Variants in GPD1L observed in about 807,000 individuals in gnomAD.
The protein encoded by GPD1L is glycerol-3-phosphate dehydrogenase 1 like, also known as glycerol-3-phosphate dehydrogenase 1-like protein.
A neutral mutation model predicts 32.9 loss-of-function variants in GPD1L; 17 were observed. The observed-to-expected ratio is 0.52, with a 90% CI of 0.35 to 0.78. The LOEUF (loss-of-function observed/expected upper bound fraction) is 0.78, where lower values mean the gene tolerates loss of function less well. Ranked by LOEUF, GPD1L falls within the 30% of genes least tolerant of loss-of-function variation. GPD1L has a pLI of 0.01. For missense variants in GPD1L, 361 were observed against 447.8 expected, an observed-to-expected ratio of 0.81 and a Z score of 1.75; for synonymous variants, 187 against 165.9, an observed-to-expected ratio of 1.13 and a Z score of -0.98.
rs80185394 is a variant in GPD1L at position 32,134,014 on chromosome 3, G to A, written c.226-4573G>A. ...TCGTTCTGGGTTGTTTGTCCTACTT[G>A]CCATTGAAAGGCAAGACCTGTTGTT... On this transcript the variant is annotated intron_variant, in intron 2 of 7. Transcript: ENST00000282541. Among the ~76,000 whole-genome samples the A allele has an allele frequency of 0.023, 3,573 of 152,294 alleles. 293 individuals carry two copies. The East Asian group carries it at 0.25, about 11-fold the overall frequency.
chr3:32,149,971 C>T (rs1027806379), intron 5 of GPD1L, among the ~76,000 whole-genome samples: 24 of 150,778 alleles, frequency 1.6e-4, no homozygotes, highest in African/African-American at 5.9e-4. Context: ...AAATGTAATT[C>T]ATGTAATCAA....
In GPD1L at chr3:32,110,979, C is replaced by G. The variant is rs1700236368; in HGVS notation, c.47+4221C>G. On this transcript the variant is annotated intron_variant, in intron 1 of 7. Transcript: ENST00000282541. ...CTGCTGGGTTCTAGCGATTCTCATG[C>G]CTCCGCCTTCTGAGTAGCTGGGATT... is the stretch of plus-strand genomic sequence containing the variant. Among the ~76,000 whole-genome samples, 3 of 152,354 alleles carry G rather than the reference C, an allele frequency of 2.0e-5. No homozygotes were observed. The South Asian group carries it at 6.2e-4, about 32-fold the overall frequency.
intron 1 of GPD1L, among the ~76,000 whole-genome samples, chr3:32,115,381 C>T (rs971199061): frequency 6.6e-6 from 1 of 152,168 alleles, no homozygotes; most frequent in Non-Finnish European, 1.5e-5. Flanking sequence ...GGTGCGTTTA[C>T]AATACTTTAG....
intron 1 of GPD1L, among the ~76,000 whole-genome samples, chr3:32,115,978 C>T (rs1246839508): frequency 1.3e-5 from 2 of 151,520 alleles, no homozygotes; most frequent in Non-Finnish European, 2.9e-5. Flanking sequence ...TTAGTAGAGA[C>T]GGGGTTTCAC....
chr3:32,146,083 C>CTTTTTTTTTT (rs59106750), intron 4 of GPD1L, among the ~76,000 whole-genome samples: 1 of 126,156 alleles, frequency 7.9e-6, no homozygotes, highest in Non-Finnish European at 1.7e-5. Flanking sequence ...ATGCTTTTTT[C>CTTTTTTTTTT]TTTTTTTTTT....
chr3:32,114,202 G>A (rs963935462), intron 1 of GPD1L, among the ~76,000 whole-genome samples: 36 of 152,302 alleles, frequency 2.4e-4, no homozygotes, highest in Middle Eastern at 3.4e-3. Context: ...TCTGGCAGTG[G>A]GCAGGCTTCA....
chr3:32,135,384 T>C (rs1439723346), intron 2 of GPD1L, among the ~76,000 whole-genome samples: 1 of 152,138 alleles, frequency 6.6e-6, no homozygotes, highest in African/African-American at 2.4e-5. Context: ...AACAAAACAA[T>C]GAGCTTTGCC....
Position 32,140,322 on chromosome 3 carries a change from T to C in GPD1L, c.461T>C (p.Ile154Thr), listed in dbSNP as rs754012361. The change falls in exon 4 of 8, where the codon ATT (isoleucine) becomes ACT (threonine). Residue 154 changes from isoleucine to threonine, a missense_variant. Transcript: ENST00000282541. ...IDISVLMGAN[I>T]ANEVAAEKFC... ...ATCAGTGTGCTGATGGGAGCCAACA[T>C]TGCCAATGAGGTGGCTGCAGAGAAG... is the stretch of plus-strand genomic sequence containing the variant. 2.5e-6 allele frequency: 4 copies of C among 1,614,122 alleles called. No individual in the cohort carries two copies. In the South Asian group the frequency reaches 4.4e-5, roughly 18 times the overall value.
chr3:32,108,241 C>T (rs1001904560), intron 1 of GPD1L, among the ~76,000 whole-genome samples: 1 of 151,976 alleles, frequency 6.6e-6, no homozygotes, highest in Non-Finnish European at 1.5e-5. Context: ...AAATATTAGT[C>T]GGGCATGGTG....
At chr3:32,109,804 C>T (rs183569102) in intron 1 of GPD1L, among the ~76,000 whole-genome samples, 7 of 152,364 alleles carry the variant, frequency 4.6e-5, no homozygotes, top group African/African-American at 1.7e-4. Flanking sequence ...CCTTAAACAA[C>T]TTACCTTCAG....
rs1559583364 is a variant in GPD1L at position 32,159,640 on chromosome 3, TA to T, written c.926del (p.Tyr309SerfsTer91). ...AGGACCGCAGACTTCTGCTGAAGTG[TA>T]CCGCATCCTCAAACAGAAGGGACTA... ...LQGPQTSAEV[Y>X]RILKQKGLLD... On this transcript the variant is annotated frameshift_variant, in exon 7 of 8. Coordinates refer to ENST00000282541, the MANE Select transcript of GPD1L (RefSeq NM_015141.4). LOFTEE classifies it high-confidence loss of function. 1 of 1,612,228 alleles carries T rather than the reference TA, an allele frequency of 6.2e-7. No homozygotes were observed. The highest frequency in any genetic ancestry group is 8.5e-7 in the Non-Finnish European group (1 of 1,178,488).
chr3:32,126,650 G>A (rs1700512196), intron 1 of GPD1L, among the ~76,000 whole-genome samples: 1 of 152,212 alleles, frequency 6.6e-6, no homozygotes, highest in African/African-American at 2.4e-5. Context: ...CTAATAACCT[G>A]TCCTGCTGGC....
chr3:32,144,466 A>G (rs946022479), intron 4 of GPD1L, among the ~76,000 whole-genome samples: 5 of 152,248 alleles, frequency 3.3e-5, no homozygotes, highest in African/African-American at 9.6e-5. Flanking sequence ...ACACAAACAC[A>G]TATGGAATCA....
chr3:32,115,565 G>T (rs1243034420), intron 1 of GPD1L, among the ~76,000 whole-genome samples: 1 of 151,988 alleles, frequency 6.6e-6, no homozygotes, highest in African/African-American at 2.4e-5. Flanking sequence ...GGTTTGCATG[G>T]GTTATAGGCA....
At chr3:32,148,138 G>A (rs1008586440) in intron 5 of GPD1L, among the ~76,000 whole-genome samples, 5 of 152,198 alleles carry the variant, frequency 3.3e-5, no homozygotes, top group Non-Finnish European at 7.3e-5. Flanking sequence ...AGGGGGCATC[G>A]TGAATGCCTA....
At chr3:32,165,573 T>C (rs1701135130) in intron 7 of GPD1L, among the ~76,000 whole-genome samples, 1 of 152,198 alleles carries the variant, frequency 6.6e-6, no homozygotes, top group Non-Finnish European at 1.5e-5. Flanking sequence ...CCGTGTGACT[T>C]GGTTGTGGAC....
intron 7 of GPD1L, among the ~76,000 whole-genome samples, chr3:32,163,196 T>A (rs13068755): frequency 0.37 from 46,623 of 124,532 alleles, 9,628 homozygotes; most frequent in East Asian, 0.59. Flanking sequence ...TGAGACAGAG[T>A]CTTGCTCTGT....
At position 32,135,194 on chromosome 3, in the gene GPD1L, G is replaced by A. The variant is rs1307703855; in HGVS notation, c.226-3393G>A. On this transcript the variant is annotated intron_variant, in intron 2 of 7. Transcript: ENST00000282541. Reference sequence around the variant, plus strand: ...TGTTAGAGGTGGATGGGGAAGAGGAGAAACAGTAGGTCCAGAGGAATAGGT... The same window carrying A: ...TGTTAGAGGTGGATGGGGAAGAGGAAAAACAGTAGGTCCAGAGGAATAGGT... Among the ~76,000 whole-genome samples the A allele has an allele frequency of 2.0e-5, 3 of 152,300 alleles. No individual in the cohort carries two copies. In the East Asian group the frequency reaches 5.8e-4, roughly 29 times the overall value.
intron 5 of GPD1L, among the ~76,000 whole-genome samples, chr3:32,147,414 C>CT (rs1003184978): frequency 6.6e-6 from 1 of 152,166 alleles, no homozygotes; most frequent in African/African-American, 2.4e-5. Context: ...TTTATGTTAT[C>CT]TTTTTTTCCC....
Sources: gnomAD v4.1 joint callset for allele counts (sites outside exome capture counted in the v4.1 genomes callset) on GRCh38, gnomAD v4.1.1 for gene constraint, MANE v1.5 for transcripts, NCBI Gene and HGNC (gene_info 2026-07-23, HGNC 2026-07-21) for gene names.